Variants in PKN2 observed in about 807,000 individuals in gnomAD.
PKN2 encodes serine/threonine-protein kinase N2.
Under a neutral mutation model 119.1 loss-of-function variants are expected in PKN2, and 38 were observed. That is an observed-to-expected ratio of 0.32 (90% CI 0.25 to 0.42). The LOEUF (loss-of-function observed/expected upper bound fraction) is 0.42. Among genes scored for constraint, PKN2 ranks in the 10% least tolerant of loss-of-function variants. The pLI, the probability that PKN2 is intolerant of heterozygous loss-of-function variation, is 1.00. For missense variants in PKN2, 850 were observed against 1,165.1 expected (o/e 0.73, Z 3.94); for synonymous variants, 390 against 384.9 (o/e 1.01, Z -0.15).
intron 1 of PKN2, chr1:88,684,967 C>T: frequency 7.7e-6 from 2 of 261,366 alleles, no homozygotes; most frequent in Non-Finnish European, 1.5e-5. Flanking sequence ...TCAGAGCTAC[C>T]CGCGAACGCC....
chr1:88,817,202 C>T (rs986532630), intron 16 of PKN2, among the ~76,000 whole-genome samples: 12 of 152,100 alleles, frequency 7.9e-5, no homozygotes, highest in Non-Finnish European at 1.0e-4. Flanking sequence ...TTATCCACCA[C>T]GATCAAGTCG....
At chr1:88,771,209 C>CT (rs1385160674) in intron 4 of PKN2, among the ~76,000 whole-genome samples, 1 of 151,926 alleles carries the variant, frequency 6.6e-6, no homozygotes, top group African/African-American at 2.4e-5. Context: ...GCTCTAAAAT[C>CT]TTTTTTTCAG....
chr1:88,810,628 A>G (rs1671743728), intron 15 of PKN2, among the ~76,000 whole-genome samples: 1 of 152,020 alleles, frequency 6.6e-6, no homozygotes, highest in Admixed American at 6.6e-5. Context: ...ATTTTTTGAG[A>G]CAGAGTCTCA....
intron 15 of PKN2, among the ~76,000 whole-genome samples, chr1:88,812,727 G>A (rs1671827288): frequency 6.6e-6 from 1 of 152,112 alleles, no homozygotes; most frequent in East Asian, 1.9e-4. Flanking sequence ...GACAGAGCAA[G>A]ATCCTGTCTC....
intron 3 of PKN2, among the ~76,000 whole-genome samples, chr1:88,763,009 C>G (rs1165637048): frequency 1.3e-5 from 2 of 152,138 alleles, no homozygotes; most frequent in African/African-American, 4.8e-5. Context: ...GTTGTCAACT[C>G]TAGTAGTCAT....
At chr1:88,714,352 A>C (rs1667361457) in intron 1 of PKN2, among the ~76,000 whole-genome samples, 1 of 152,184 alleles carries the variant, frequency 6.6e-6, no homozygotes, top group African/African-American at 2.4e-5. Context: ...GATGGCATTG[A>C]ATCTATAAAT....
chr1:88,701,989 C>G (rs2100665999), intron 1 of PKN2, among the ~76,000 whole-genome samples: 1 of 152,240 alleles, frequency 6.6e-6, no homozygotes, highest in South Asian at 2.1e-4. Flanking sequence ...GACAGAGTCT[C>G]ACTCTGTAGC....
intron 1 of PKN2, among the ~76,000 whole-genome samples, chr1:88,723,971 C>T (rs2100711663): frequency 6.6e-6 from 1 of 152,160 alleles, no homozygotes; most frequent in Non-Finnish European, 1.5e-5. Flanking sequence ...AGGAGATACT[C>T]AAGTCACTTT....
intron 3 of PKN2, among the ~76,000 whole-genome samples, chr1:88,765,671 C>T (rs1195193793): frequency 2.0e-5 from 3 of 151,928 alleles, no homozygotes; most frequent in African/African-American, 4.8e-5. Context: ...TTGTTGTTGT[C>T]GTCGTCGTCG....
intron 1 of PKN2, among the ~76,000 whole-genome samples, chr1:88,713,531 T>C (rs1667325505): frequency 6.6e-6 from 1 of 152,236 alleles, no homozygotes; most frequent in Non-Finnish European, 1.5e-5. Context: ...TGGCCAGTGA[T>C]GATGAGCTTT....
rs571840161 is a variant in PKN2 at position 88,739,172 on chromosome 1, G to T, written c.49-1816G>T. On this transcript the variant is annotated intron_variant, in intron 1 of 21. Coordinates refer to ENST00000370521, the MANE Select transcript of PKN2 (RefSeq NM_006256.4). ...TACTATTTTTTGTTGGCGTTTCAAA[G>T]GAATTCTTAGCTAGAAACAGGCTGG... 2.0e-5 allele frequency among the ~76,000 whole-genome samples: 3 copies of T among 152,126 alleles called. No individual in the cohort carries two copies. In the South Asian group the frequency reaches 6.2e-4, roughly 32 times the overall value.
chr1:88,699,787 T>A (rs564467249), intron 1 of PKN2, among the ~76,000 whole-genome samples: 54 of 152,188 alleles, frequency 3.5e-4, no homozygotes, highest in East Asian at 1.5e-3. Flanking sequence ...TTAATTTTTT[T>A]ATTTTTTATT....
At chr1:88,725,699 T>G (rs1667869328) in intron 1 of PKN2, among the ~76,000 whole-genome samples, 1 of 152,224 alleles carries the variant, frequency 6.6e-6, no homozygotes, top group Admixed American at 6.5e-5. Flanking sequence ...TTAGCACCTT[T>G]TGAAGAGCAA....
intron 15 of PKN2, among the ~76,000 whole-genome samples, chr1:88,810,063 T>A (rs575683680): frequency 6.6e-6 from 1 of 152,012 alleles, no homozygotes; most frequent in Non-Finnish European, 1.5e-5. Context: ...GGAGTACTTT[T>A]AAATTTCTAG....
At chr1:88,722,925 G>A (rs1415160935) in intron 1 of PKN2, among the ~76,000 whole-genome samples, 1 of 152,082 alleles carries the variant, frequency 6.6e-6, no homozygotes, top group South Asian at 2.1e-4. Context: ...ATAAATAAAG[G>A]TGTGATGAGG....
At chr1:88,690,497 A>G (rs1666290233) in intron 1 of PKN2, among the ~76,000 whole-genome samples, 1 of 152,240 alleles carries the variant, frequency 6.6e-6, no homozygotes, top group African/African-American at 2.4e-5. Flanking sequence ...TTTGATATAC[A>G]GCAGAGTTCA....
chr1:88,781,257 C>A, intron 6 of PKN2: 1 of 703,344 alleles, frequency 1.4e-6, no homozygotes, highest in Non-Finnish European at 2.0e-6. Flanking sequence ...GATTATACTA[C>A]TGAAATTTGC....
intron 1 of PKN2, among the ~76,000 whole-genome samples, chr1:88,714,275 G>A (rs555635278): frequency 5.3e-5 from 8 of 152,038 alleles, no homozygotes; most frequent in Non-Finnish European, 1.2e-4. Context: ...GCTCTTTTTT[G>A]GTTCCGTATG....
Position 88,833,590 on chromosome 1 carries a change from A to C in PKN2, c.*142A>C. 1 of 651,202 alleles carries C rather than the reference A, an allele frequency of 1.5e-6. No individual in the cohort carries two copies. The highest frequency in any genetic ancestry group is 3.0e-4 in the Middle Eastern group (1 of 3,300). The allele number at this position is 651,202 out of a possible 1,614,324, so 40.3% of individuals were successfully genotyped here. A position where few individuals can be genotyped will look rare whatever the true frequency, so the allele number is the denominator to read the frequency against. ...ATTGAAACACGTGAAGATTTGTTTAAAAGTACCATTCTAATACTTCTTCAA... is the reference window on the plus strand; with the variant it reads ...ATTGAAACACGTGAAGATTTGTTTACAAGTACCATTCTAATACTTCTTCAA... On this transcript the variant is annotated 3_prime_UTR_variant, in exon 22 of 22. Coordinates refer to ENST00000370521, the MANE Select transcript of PKN2 (RefSeq NM_006256.4).
Sources: gnomAD v4.1 joint callset for allele counts (sites outside exome capture counted in the v4.1 genomes callset) on GRCh38, gnomAD v4.1.1 for gene constraint, MANE v1.5 for transcripts, NCBI Gene and HGNC (gene_info 2026-07-23, HGNC 2026-07-21) for gene names.